Variants in RIT2 observed in about 807,000 individuals in gnomAD.
The protein encoded by RIT2 is Ras like without CAAX 2, also known as GTP-binding protein Rit2.
RIT2 carries 24 observed loss-of-function variants against 23.7 expected under a neutral mutation model. The observed-to-expected ratio is 1.01, with a 90% confidence interval of 0.73 to 1.43. RIT2 has a LOEUF of 1.43. Ranked by LOEUF, RIT2 falls within the 40% of genes most tolerant of loss-of-function variation. The pLI is 0.00. For missense variants in RIT2, 236 were observed against 266.9 expected, an observed-to-expected ratio of 0.88 and a Z score of 0.81; for synonymous variants, 107 against 91.1, an observed-to-expected ratio of 1.17 and a Z score of -0.99.
intron 4 of RIT2, among the ~76,000 whole-genome samples, chr18:42,785,023 A>G (rs906208035): frequency 2.0e-5 from 3 of 152,146 alleles, no homozygotes; most frequent in African/African-American, 7.2e-5. Flanking sequence ...TTTAAAATGT[A>G]GTTATACATA....
intron 2 of RIT2, among the ~76,000 whole-genome samples, chr18:42,984,980 A>T (rs1910677871): frequency 6.6e-6 from 1 of 152,100 alleles, no homozygotes; most frequent in Admixed American, 6.5e-5. Flanking sequence ...TAGCATAGAA[A>T]AAAATGCCTC....
chr18:43,014,425 T>C (rs1033565946), intron 2 of RIT2, among the ~76,000 whole-genome samples: 34 of 151,650 alleles, frequency 2.2e-4, no homozygotes, highest in African/African-American at 8.0e-4. Context: ...CTTTTTTTTC[T>C]CCTGTTAAGG....
intron 4 of RIT2, among the ~76,000 whole-genome samples, chr18:42,803,915 G>T (rs938756821): frequency 6.6e-6 from 1 of 152,112 alleles, no homozygotes; most frequent in Non-Finnish European, 1.5e-5. Flanking sequence ...TCCTGAATAG[G>T]ACAAAGTACA....
At chr18:42,899,579 T>C (rs1246784602) in intron 4 of RIT2, among the ~76,000 whole-genome samples, 2 of 151,978 alleles carry the variant, frequency 1.3e-5, no homozygotes, top group Non-Finnish European at 2.9e-5. Flanking sequence ...ATGAGAGCTA[T>C]AGTGATTACC....
intron 4 of RIT2, 77 bp downstream of exon 4, chr18:42,923,495 C>G (rs1000258539): frequency 8.4e-6 from 10 of 1,194,502 alleles, no homozygotes; most frequent in Non-Finnish European, 1.2e-5. Context: ...CAGTGTGAAC[C>G]TGGGAAAGCA....
At chr18:42,840,406 T>C (rs754241706) in intron 4 of RIT2, among the ~76,000 whole-genome samples, 2 of 152,232 alleles carry the variant, frequency 1.3e-5, no homozygotes, top group African/African-American at 4.8e-5. Context: ...AAGAACTTAC[T>C]ATATGGCAAT....
At chr18:42,959,684 C>T (rs1910053543) in intron 3 of RIT2, among the ~76,000 whole-genome samples, 1 of 152,178 alleles carries the variant, frequency 6.6e-6, no homozygotes, top group African/African-American at 2.4e-5. Context: ...TAGACTAATT[C>T]ATATGATAAA....
At position 43,095,295 on chromosome 18, in the gene RIT2, C is replaced by T. The variant is rs533151681; in HGVS notation, c.103+20122G>A. ...GTTATCTCATTGTGGTTTTGATTTG[C>T]ATTTCTCTGATGACCGGTGATGATG... On this transcript the variant is annotated intron_variant, in intron 1 of 4. Coordinates refer to ENST00000326695, the MANE Select transcript of RIT2 (RefSeq NM_002930.4). Among the ~76,000 whole-genome samples, 228 of 152,142 alleles carry T rather than the reference C, an allele frequency of 1.5e-3. 1 individual carries two copies. Among genetic ancestry groups the T allele is most frequent in the African/African-American group, 5.2e-3 (216 of 41,534 alleles).
intron 1 of RIT2, among the ~76,000 whole-genome samples, chr18:43,105,104 G>C (rs950697657): frequency 1.9e-4 from 27 of 144,016 alleles, no homozygotes; most frequent in Admixed American, 1.2e-3. Flanking sequence ...AGTGTGCTGT[G>C]TGTGTGTGTG....
At chr18:43,054,829 C>CATAA (rs1380848362) in intron 1 of RIT2, among the ~76,000 whole-genome samples, 2 of 152,042 alleles carry the variant, frequency 1.3e-5, no homozygotes, top group Non-Finnish European at 2.9e-5. Flanking sequence ...TCTGTTACTC[C>CATAA]CATGACGCAT....
chr18:43,043,807 CAAATAAATAAATAAATCAAAT>C (rs1444698763), intron 1 of RIT2, among the ~76,000 whole-genome samples: 1 of 151,730 alleles, frequency 6.6e-6, no homozygotes, highest in East Asian at 1.9e-4. Context: ...CTCAAACAAA[CAAATAAATAAATAAATCAAAT>C]AAATAAATAA....
chr18:42,828,596 A>G (rs1214041778), intron 4 of RIT2, among the ~76,000 whole-genome samples: 1 of 152,238 alleles, frequency 6.6e-6, no homozygotes, highest in Non-Finnish European at 1.5e-5. Context: ...CAGTCAGGTT[A>G]GGCAATGGTC....
chr18:43,059,250 G>A (rs1370785119), intron 1 of RIT2, among the ~76,000 whole-genome samples: 1 of 152,068 alleles, frequency 6.6e-6, no homozygotes, highest in East Asian at 1.9e-4. Flanking sequence ...ATGACACTGT[G>A]ACATGGGTAT....
chr18:43,083,182 G>A (rs1485337861), intron 1 of RIT2, among the ~76,000 whole-genome samples: 2 of 152,062 alleles, frequency 1.3e-5, no homozygotes, highest in East Asian at 1.9e-4. Context: ...GGGACGTGAA[G>A]GACTTCTTCA....
intron 2 of RIT2, among the ~76,000 whole-genome samples, chr18:42,987,737 A>C (rs1260790573): frequency 6.6e-6 from 1 of 152,206 alleles, no homozygotes; most frequent in African/African-American, 2.4e-5. Flanking sequence ...TTTGGCTCAC[A>C]GTTCTGCAGA....
intron 2 of RIT2, 26 bp from the exon 3 acceptor site, chr18:42,974,173 A>G: frequency 1.3e-6 from 2 of 1,520,374 alleles, no homozygotes; most frequent in South Asian, 2.3e-5. Flanking sequence ...CAACATTTAC[A>G]TTTAAATGTG....
chr18:42,897,789 C>A (rs1217182547), intron 4 of RIT2, among the ~76,000 whole-genome samples: 2 of 152,082 alleles, frequency 1.3e-5, no homozygotes, highest in Non-Finnish European at 2.9e-5. Context: ...CAACACTGGT[C>A]TAGCATCATT....
At chr18:42,776,272 T>C (rs895545086) in intron 4 of RIT2, among the ~76,000 whole-genome samples, 1 of 152,210 alleles carries the variant, frequency 6.6e-6, no homozygotes, top group Non-Finnish European at 1.5e-5. Flanking sequence ...GATTCATTCA[T>C]TCACTTATTT....
intron 3 of RIT2, among the ~76,000 whole-genome samples, chr18:42,961,962 G>A (rs2144187388): frequency 6.6e-6 from 1 of 152,254 alleles, no homozygotes; most frequent in Admixed American, 6.5e-5. Flanking sequence ...AGCAGATGAT[G>A]TTTGGCTGCA....
Sources: gnomAD v4.1 joint callset for allele counts (sites outside exome capture counted in the v4.1 genomes callset) on GRCh38, gnomAD v4.1.1 for gene constraint, MANE v1.5 for transcripts, NCBI Gene and HGNC (gene_info 2026-07-23, HGNC 2026-07-21) for gene names.